CCSER1: variants seen among roughly 807,000 people sequenced by gnomAD.
CCSER1 encodes the protein coiled-coil serine rich protein 1.
Under a neutral mutation model 82.0 loss-of-function variants are expected in CCSER1, and 41 were observed. The ratio of observed to expected loss-of-function variants is 0.50; its 90% confidence interval spans 0.39 to 0.65. The LOEUF (loss-of-function observed/expected upper bound fraction) is 0.65. Among genes scored for constraint, CCSER1 ranks in the 30% least tolerant of loss-of-function variants. CCSER1 has a pLI of 0.00. For missense variants in CCSER1, 1,119 were observed against 1,064.2 expected (o/e 1.05, Z -0.72); for synonymous variants, 414 against 383.9 (o/e 1.08, Z -0.92).
chr4:90,527,040 C>T (rs1773862699), intron 5 of CCSER1, among the ~76,000 whole-genome samples: 1 of 152,072 alleles, frequency 6.6e-6, no homozygotes, highest in African/African-American at 2.4e-5. Flanking sequence ...TCTATTGTTT[C>T]CTGACTTTTT....
chr4:90,271,543 T>TA (rs1726274891), intron 1 of CCSER1, among the ~76,000 whole-genome samples: 1 of 151,782 alleles, frequency 6.6e-6, no homozygotes, highest in African/African-American at 2.4e-5. Context: ...ACTACTAAAA[T>TA]AAAACTTTGG....
intron 1 of CCSER1, among the ~76,000 whole-genome samples, chr4:90,276,251 T>TTTCTTTCTTTCTTTCTTCCTTTCC (rs1727659770): frequency 2.6e-5 from 2 of 76,828 alleles, no homozygotes; most frequent in African/African-American, 5.1e-5. Context: ...TCTTTCTTTC[T>TTTCTTTCTTTCTTTCTTCCTTTCC]TTCCTTCCTT....
intron 9 of CCSER1, among the ~76,000 whole-genome samples, chr4:91,085,177 A>G (rs1723245014): frequency 6.6e-6 from 1 of 151,878 alleles, no homozygotes; most frequent in Non-Finnish European, 1.5e-5. Context: ...GCAAATATAT[A>G]ATTATTATTA....
chr4:91,325,180 A>G (rs1330994621), intron 10 of CCSER1: 1 of 456,134 alleles, frequency 2.2e-6, no homozygotes. Context: ...TTCTTGTTTC[A>G]CCAGCATAGT....
chr4:91,374,261 G>C (rs1750244596), intron 10 of CCSER1, among the ~76,000 whole-genome samples: 1 of 152,140 alleles, frequency 6.6e-6, no homozygotes, highest in African/African-American at 2.4e-5. Flanking sequence ...ATGCCATCTA[G>C]GACTTTCATA....
intron 8 of CCSER1, among the ~76,000 whole-genome samples, chr4:90,818,218 GT>G (rs1759276394): frequency 6.6e-6 from 1 of 151,082 alleles, no homozygotes; most frequent in Non-Finnish European, 1.5e-5. Context: ...GGGAAGAGTT[GT>G]AAAAAGTTAG....
chr4:90,791,122 G>A (rs1021569221), intron 7 of CCSER1, among the ~76,000 whole-genome samples: 4 of 151,918 alleles, frequency 2.6e-5, no homozygotes, highest in African/African-American at 7.3e-5. Context: ...AGTGTTGAGC[G>A]AAGGAGGATG....
intron 8 of CCSER1, among the ~76,000 whole-genome samples, chr4:90,904,633 G>A (rs555189508): frequency 3.3e-5 from 5 of 152,036 alleles, no homozygotes; most frequent in Non-Finnish European, 5.9e-5. Context: ...TAAAGTTCCC[G>A]GGAAAGTATG....
chr4:91,114,843 C>T (rs1055714972), intron 10 of CCSER1, among the ~76,000 whole-genome samples: 1 of 152,134 alleles, frequency 6.6e-6, no homozygotes, highest in Admixed American at 6.5e-5. Flanking sequence ...AGTTAAATCT[C>T]ATTAACTGAT....
intron 10 of CCSER1, among the ~76,000 whole-genome samples, chr4:91,269,668 A>G (rs1257687273): frequency 6.6e-6 from 1 of 152,194 alleles, no homozygotes; most frequent in Non-Finnish European, 1.5e-5. Context: ...GTGAATGATA[A>G]TTTCAGAAGT....
At chr4:91,367,164 A>T (rs1188961143) in intron 10 of CCSER1, among the ~76,000 whole-genome samples, 1 of 149,008 alleles carries the variant, frequency 6.7e-6, no homozygotes, top group Non-Finnish European at 1.5e-5. Flanking sequence ...AAAAAAATGC[A>T]AAGTTCGCTT....
At chr4:91,391,086 G>GT (rs925723721) in intron 10 of CCSER1, among the ~76,000 whole-genome samples, 37 of 150,954 alleles carry the variant, frequency 2.5e-4, no homozygotes, top group African/African-American at 6.8e-4. Context: ...TAATTTTCAT[G>GT]TTTTTTTTAA....
At chr4:91,108,393 A>G (rs1426583867) in intron 10 of CCSER1, among the ~76,000 whole-genome samples, 2 of 152,232 alleles carry the variant, frequency 1.3e-5, no homozygotes, top group African/African-American at 2.4e-5. Context: ...GAGAAAATAT[A>G]TGGCTTATTC....
chr4:90,638,441 GACTA>G (rs1725834287), intron 6 of CCSER1, among the ~76,000 whole-genome samples: 1 of 151,988 alleles, frequency 6.6e-6, no homozygotes. Context: ...TTATCATACA[GACTA>G]ACTTAGTATT....
intron 1 of CCSER1, among the ~76,000 whole-genome samples, chr4:90,171,366 C>T (rs1216394499): frequency 6.6e-6 from 1 of 151,688 alleles, no homozygotes; most frequent in Admixed American, 6.6e-5. Flanking sequence ...TGCCAAACTG[C>T]CCACATGAAA....
Position 91,471,984 on chromosome 4 carries a change from A to G in CCSER1, c.2218-126588A>G, listed in dbSNP as rs865986874. Among the ~76,000 whole-genome samples, 1,400 of 149,280 alleles carry G rather than the reference A, an allele frequency of 9.4e-3. 10 individuals carry two copies. Among genetic ancestry groups the G allele is most frequent in the Middle Eastern group, 0.02 (6 of 294 alleles). On this transcript the variant is annotated intron_variant, in intron 10 of 10. Transcript: ENST00000509176. The stretch of plus-strand genomic sequence containing the variant: ...CACTCCATCTCAAAAAAAAAAAAAA[A>G]AAGAAAAAAAAGAAAAAAACTAAAG...
intron 10 of CCSER1, among the ~76,000 whole-genome samples, chr4:91,520,892 A>AT (rs1475341581): frequency 2.0e-5 from 3 of 151,862 alleles, no homozygotes; most frequent in African/African-American, 4.8e-5. Flanking sequence ...TCATTTATTC[A>AT]TTTTTTTATT....
At chr4:90,920,687 G>T (rs993249809) in intron 8 of CCSER1, among the ~76,000 whole-genome samples, 4 of 151,666 alleles carry the variant, frequency 2.6e-5, no homozygotes, top group Non-Finnish European at 4.4e-5. Context: ...GGCTCTCTCC[G>T]TGGTAACTGT....
chr4:90,548,148 T>C (rs1490647624), intron 5 of CCSER1, among the ~76,000 whole-genome samples: 1 of 152,046 alleles, frequency 6.6e-6, no homozygotes, highest in Non-Finnish European at 1.5e-5. Flanking sequence ...AAAAAAATTA[T>C]AATGACTTTT....
Sources: gnomAD v4.1 joint callset for allele counts (sites outside exome capture counted in the v4.1 genomes callset) on GRCh38, gnomAD v4.1.1 for gene constraint, MANE v1.5 for transcripts, NCBI Gene and HGNC (gene_info 2026-07-23, HGNC 2026-07-21) for gene names.